Variants in EPC1 observed in about 807,000 individuals in gnomAD.
EPC1 encodes the protein enhancer of polycomb 1, also known as enhancer of polycomb homolog 1.
Under a neutral mutation model 98.4 loss-of-function variants are expected in EPC1, and 12 were observed. The ratio of observed to expected loss-of-function variants is 0.12; its 90% CI spans 0.08 to 0.20. EPC1 has a LOEUF of 0.20. Ranked by LOEUF, EPC1 falls within the 10% of genes least tolerant of loss-of-function variation. The pLI is 1.00. For synonymous variants in EPC1, 357 were observed against 363.9 expected (o/e 0.98, Z 0.21); for missense variants, 729 against 990.5 (o/e 0.74, Z 3.54).
intron 1 of EPC1, among the ~76,000 whole-genome samples, chr10:32,358,631 TAA>T (rs752276859): frequency 1.9e-4 from 5 of 26,830 alleles, no homozygotes; most frequent in Admixed American, 4.9e-4. Flanking sequence ...GGGAACGGAG[TAA>T]AAAAAAAAAA....
At position 32,270,036 on chromosome 10, in the gene EPC1, C is replaced by G. The variant is rs191037829; in HGVS notation, c.2370-901G>C. 3.0e-3 allele frequency among the ~76,000 whole-genome samples: 453 copies of G among 152,294 alleles called. 5 individuals carry two copies. The highest frequency in any genetic ancestry group is 2.4e-3 in the Non-Finnish European group (161 of 68,022). On this transcript the variant is annotated intron_variant, in intron 13 of 13. Transcript: ENST00000319778. ...ACCAGTTTACTTGTTAACTTCTAAA[C>G]ACTTGTATTTCCTCAACTTTGTATT...
At chr10:32,336,745 A>G (rs1837998475) in intron 1 of EPC1, among the ~76,000 whole-genome samples, 1 of 151,914 alleles carries the variant, frequency 6.6e-6, no homozygotes, top group African/African-American at 2.4e-5. Context: ...CCTTCCTTTC[A>G]CAAAGGAAAA....
intron 1 of EPC1, among the ~76,000 whole-genome samples, chr10:32,310,366 G>T (rs1836136917): frequency 6.6e-6 from 1 of 152,062 alleles, no homozygotes; most frequent in Non-Finnish European, 1.5e-5. Context: ...CTACCACGTG[G>T]GATTGTGGTT....
chr10:32,290,173 C>T (rs940942216), intron 6 of EPC1, among the ~76,000 whole-genome samples: 2 of 151,964 alleles, frequency 1.3e-5, no homozygotes, highest in African/African-American at 4.8e-5. Context: ...ACTATTGTGT[C>T]CACAAAAGAC....
chr10:32,311,063 C>G (rs1489459325), intron 1 of EPC1, among the ~76,000 whole-genome samples: 4 of 152,128 alleles, frequency 2.6e-5, no homozygotes, highest in Non-Finnish European at 5.9e-5. Flanking sequence ...GTAATCCCAG[C>G]ACTTTGGGAG....
chr10:32,346,504 G>A, intron 1 of EPC1: 1 of 488,128 alleles, frequency 2.0e-6, no homozygotes, highest in South Asian at 2.3e-5. Context: ...ACCCCTTTGT[G>A]CCTTTCGGGC....
intron 9 of EPC1, 192 bp downstream of exon 9, chr10:32,286,502 A>G: frequency 1.6e-6 from 1 of 632,734 alleles, no homozygotes; most frequent in Non-Finnish European, 2.6e-6. Flanking sequence ...GACCCAATAG[A>G]GTTATGTCAA....
intron 10 of EPC1, among the ~76,000 whole-genome samples, chr10:32,279,893 C>T (rs1424333972): frequency 6.6e-6 from 1 of 152,124 alleles, no homozygotes; most frequent in Non-Finnish European, 1.5e-5. Flanking sequence ...AGTACTAAAA[C>T]CTAGCCCCCA....
chr10:32,344,979 G>C (rs1838662158), intron 1 of EPC1: 1 of 242,798 alleles, frequency 4.1e-6, no homozygotes, highest in Non-Finnish European at 6.6e-6. Context: ...CTTTAATCAA[G>C]GCTTTCCCCT....
At chr10:32,302,587 T>G (rs1835624383) in intron 2 of EPC1, among the ~76,000 whole-genome samples, 1 of 147,356 alleles carries the variant, frequency 6.8e-6, no homozygotes, top group Non-Finnish European at 1.5e-5. Context: ...GAAGCGGAGG[T>G]TGCTGTGAGC....
intron 1 of EPC1, among the ~76,000 whole-genome samples, chr10:32,364,179 A>ATTTTT (rs1839530094): frequency 2.0e-5 from 3 of 149,354 alleles, no homozygotes; most frequent in African/African-American, 7.3e-5. Context: ...CACACCGGCT[A>ATTTTT]ATTTTTGTAT....
intron 10 of EPC1, among the ~76,000 whole-genome samples, chr10:32,275,859 C>T (rs1340101180): frequency 4.0e-5 from 6 of 151,644 alleles, no homozygotes; most frequent in Non-Finnish European, 8.8e-5. Context: ...ATCGCTTGAA[C>T]CCGGGAGGTG....
intron 10 of EPC1, among the ~76,000 whole-genome samples, chr10:32,277,921 C>T (rs565958295): frequency 6.6e-6 from 1 of 152,118 alleles, no homozygotes; most frequent in East Asian, 1.9e-4. Context: ...TATGGTACAC[C>T]AGCAGCTGGA....
rs776022153 is a variant in EPC1, at chr10:32,311,272, C to T, written c.154-5341G>A. On this transcript the variant is annotated intron_variant, in intron 1 of 13. Transcript: ENST00000319778. ...AACTTGCAGTGAGCCGAGATTGCAC[C>T]GCTGCACTCCAGCCTGGGCGACAGA... Among the ~76,000 whole-genome samples the T allele has an allele frequency of 1.2e-4, 18 of 151,176 alleles. No homozygotes were observed. The South Asian group carries it at 1.5e-3, about 12-fold the overall frequency.
intron 1 of EPC1, among the ~76,000 whole-genome samples, chr10:32,311,836 AC>A (rs1165257415): frequency 2.6e-5 from 4 of 152,162 alleles, no homozygotes; most frequent in African/African-American, 9.7e-5. Context: ...TACCGCATTC[AC>A]CCTTATTGTG....
chr10:32,357,577 C>T (rs1839314709), intron 1 of EPC1, among the ~76,000 whole-genome samples: 1 of 152,164 alleles, frequency 6.6e-6, no homozygotes, highest in East Asian at 1.9e-4. Context: ...CCTTCTGCCT[C>T]AGCCTTCAGT....
intron 10 of EPC1, among the ~76,000 whole-genome samples, chr10:32,276,337 C>T (rs1429274194): frequency 6.6e-6 from 1 of 152,052 alleles, no homozygotes; most frequent in Non-Finnish European, 1.5e-5. Flanking sequence ...ATGGTGAAAC[C>T]CCGTCTCTAC....
chr10:32,342,656 T>C (rs1196210255), intron 1 of EPC1, among the ~76,000 whole-genome samples: 2 of 152,146 alleles, frequency 1.3e-5, no homozygotes, highest in African/African-American at 4.8e-5. Flanking sequence ...GAAAACATCA[T>C]TAACATCTTA....
chr10:32,363,974 A>G (rs746549100), intron 1 of EPC1, among the ~76,000 whole-genome samples: 2 of 130,076 alleles, frequency 1.5e-5, no homozygotes, highest in African/African-American at 6.0e-5. Context: ...GTCTAATTTT[A>G]TAATAGTATC....
Sources: gnomAD v4.1 joint callset for allele counts (sites outside exome capture counted in the v4.1 genomes callset) on GRCh38, gnomAD v4.1.1 for gene constraint, MANE v1.5 for transcripts, NCBI Gene and HGNC (gene_info 2026-07-23, HGNC 2026-07-21) for gene names.